ARHGAP28: variants seen among roughly 807,000 people sequenced by gnomAD.
ARHGAP28 encodes the protein rho GTPase-activating protein 28.
ARHGAP28 carries 56 observed loss-of-function variants against 90.7 expected under a neutral mutation model. The ratio of observed to expected loss-of-function variants is 0.62; its 90% CI spans 0.50 to 0.77. ARHGAP28 has a LOEUF of 0.77. Ranked by LOEUF, ARHGAP28 falls within the 30% of genes least tolerant of loss-of-function variation. The pLI is 0.00. For synonymous variants in ARHGAP28, 308 were observed against 323.3 expected (o/e 0.95, Z 0.51); for missense variants, 869 against 900.9 (o/e 0.96, Z 0.45).
At chr18:6,904,073 A>G (rs1049251659) in intron 16 of ARHGAP28, among the ~76,000 whole-genome samples, 1 of 152,156 alleles carries the variant, frequency 6.6e-6, no homozygotes, top group Non-Finnish European at 1.5e-5. Flanking sequence ...AAAAATACCT[A>G]GAATGAAAGT....
At chr18:6,860,027 C>T (rs2056985693) in intron 5 of ARHGAP28, 130 bp downstream of exon 5, 1 of 757,028 alleles carries the variant, frequency 1.3e-6, no homozygotes. Context: ...TGCAAGGAAA[C>T]CACAGCTGCT....
At chr18:6,901,517 A>C (rs529244406) in intron 16 of ARHGAP28, among the ~76,000 whole-genome samples, 1 of 148,014 alleles carries the variant, frequency 6.8e-6, no homozygotes, top group African/African-American at 2.5e-5. Context: ...TGTTGATAGT[A>C]TCAAGGTACA....
intron 1 of ARHGAP28, among the ~76,000 whole-genome samples, chr18:6,736,698 G>A (rs2055931017): frequency 7.2e-6 from 1 of 139,718 alleles, no homozygotes; most frequent in Non-Finnish European, 1.5e-5. Context: ...GGTGAGCCAA[G>A]ATCATGCCAT....
intron 1 of ARHGAP28, among the ~76,000 whole-genome samples, chr18:6,758,471 G>T (rs543275006): frequency 5.9e-5 from 9 of 152,032 alleles, no homozygotes; most frequent in African/African-American, 2.2e-4. Context: ...TTGCAAGCAC[G>T]CACCACTAAG....
chr18:6,827,875 C>A (rs1197601796), intron 2 of ARHGAP28, among the ~76,000 whole-genome samples: 1 of 150,888 alleles, frequency 6.6e-6, no homozygotes, highest in East Asian at 2.0e-4. Flanking sequence ...GATGGGCGGC[C>A]GGGAAGAGGC....
At chr18:6,882,763 A>T (rs898216156) in intron 11 of ARHGAP28, among the ~76,000 whole-genome samples, 3 of 152,244 alleles carry the variant, frequency 2.0e-5, no homozygotes, top group Admixed American at 1.3e-4. Flanking sequence ...AGCATGCAAT[A>T]AATACTTCAC....
At chr18:6,844,789 A>C (rs2056854008) in intron 3 of ARHGAP28, among the ~76,000 whole-genome samples, 1 of 152,240 alleles carries the variant, frequency 6.6e-6, no homozygotes, top group Non-Finnish European at 1.5e-5. Context: ...GACAGTTAGA[A>C]AAACTAATGA....
chr18:6,744,261 G>A (rs1661639373), intron 1 of ARHGAP28, among the ~76,000 whole-genome samples: 1 of 152,160 alleles, frequency 6.6e-6, no homozygotes, highest in Admixed American at 6.5e-5. Flanking sequence ...TGTAACCACA[G>A]ATGCTGGTAT....
intron 1 of ARHGAP28, among the ~76,000 whole-genome samples, chr18:6,821,534 A>G (rs558956494): frequency 6.6e-6 from 1 of 152,202 alleles, no homozygotes; most frequent in Non-Finnish European, 1.5e-5. Flanking sequence ...AAATTACGTA[A>G]TGTTTCAAGA....
intron 14 of ARHGAP28, among the ~76,000 whole-genome samples, chr18:6,893,601 TC>T (rs1408650288): frequency 6.6e-6 from 1 of 152,110 alleles, no homozygotes; most frequent in Admixed American, 6.5e-5. Flanking sequence ...CAAACTACAT[TC>T]TTTTTTTGAG....
At position 6,881,183 on chromosome 18, in the gene ARHGAP28, A is replaced by G. The variant is rs150614031; in HGVS notation, c.1291-954A>G. On this transcript the variant is annotated intron_variant, in intron 10 of 17. Transcript: ENST00000383472. ...ATTATGTCTGGCTGGTTAATGAGCTAATCCTTATTAGGAAAAGGTCAGATG... is the reference window on the plus strand; with the variant it reads ...ATTATGTCTGGCTGGTTAATGAGCTGATCCTTATTAGGAAAAGGTCAGATG... 2.4e-3 allele frequency among the ~76,000 whole-genome samples: 358 copies of G among 152,292 alleles called. 3 individuals carry two copies. In the South Asian group the frequency reaches 0.025, roughly 11 times the overall value.
intron 1 of ARHGAP28, among the ~76,000 whole-genome samples, chr18:6,732,458 C>T (rs1313436710): frequency 6.6e-6 from 1 of 152,056 alleles, no homozygotes; most frequent in Non-Finnish European, 1.5e-5. Context: ...ATTTCTACAT[C>T]AAGAGGCTTC....
At chr18:6,883,424 A>C (rs2057195701) in intron 11 of ARHGAP28, among the ~76,000 whole-genome samples, 1 of 152,064 alleles carries the variant, frequency 6.6e-6, no homozygotes, top group South Asian at 2.1e-4. Flanking sequence ...TTTTTAGTAG[A>C]GACGGGGTTT....
At chr18:6,909,295 CTTTTCTTTTTT>C (rs1420171910) in intron 17 of ARHGAP28, among the ~76,000 whole-genome samples, 8 of 52,384 alleles carry the variant, frequency 1.5e-4, no homozygotes, top group Admixed American at 1.3e-3. Flanking sequence ...CTTTTCTTTT[CTTTTCTTTTTT>C]TTTTGAGACA....
intron 15 of ARHGAP28, 44 bp downstream of exon 15, chr18:6,894,935 A>T: frequency 6.4e-7 from 1 of 1,558,098 alleles, no homozygotes; most frequent in Non-Finnish European, 8.8e-7. Flanking sequence ...CTCCCTATAT[A>T]GTCTTCTCTG....
intron 14 of ARHGAP28, among the ~76,000 whole-genome samples, chr18:6,894,173 T>C (rs1255413067): frequency 4.6e-5 from 7 of 152,114 alleles, no homozygotes; most frequent in Non-Finnish European, 1.0e-4. Context: ...AGCCACTATA[T>C]TGTGTTTTTA....
chr18:6,821,878 T>C (rs2056629328), intron 1 of ARHGAP28, among the ~76,000 whole-genome samples: 1 of 152,194 alleles, frequency 6.6e-6, no homozygotes, highest in Non-Finnish European at 1.5e-5. Flanking sequence ...ATATCATCAT[T>C]AGCCCTAAAT....
At chr18:6,824,655 C>T (rs1178603884) in intron 1 of ARHGAP28, 107 bp from the exon 2 acceptor site, 16 of 1,011,344 alleles carry the variant, frequency 1.6e-5, no homozygotes, top group African/African-American at 3.3e-5. Context: ...CTCCACTTCT[C>T]CATTTGATTT....
At chr18:6,873,829 G>C in intron 9 of ARHGAP28, 54 bp downstream of exon 9, 1 of 1,466,632 alleles carries the variant, frequency 6.8e-7, no homozygotes, top group Non-Finnish European at 9.5e-7. Flanking sequence ...CTTATGATTT[G>C]GCACTTTGTA....
Sources: gnomAD v4.1 joint callset for allele counts (sites outside exome capture counted in the v4.1 genomes callset) on GRCh38, gnomAD v4.1.1 for gene constraint, MANE v1.5 for transcripts, NCBI Gene and HGNC (gene_info 2026-07-23, HGNC 2026-07-21) for gene names.